MYLIP: variants seen among roughly 807,000 people sequenced by gnomAD.
MYLIP encodes myosin regulatory light chain interacting protein, also known as E3 ubiquitin-protein ligase MYLIP.
In MYLIP, 26 loss-of-function variants were observed where a neutral mutation model predicts 45.8. The observed-to-expected ratio is 0.57, with a 90% CI of 0.42 to 0.79. The LOEUF (loss-of-function observed/expected upper bound fraction) is 0.79, where lower values mean the gene tolerates loss of function less well. Among genes scored for constraint, MYLIP ranks in the 30% least tolerant of loss-of-function variants. MYLIP has a pLI of 0.00. For synonymous variants in MYLIP, 213 were observed against 218.1 expected (o/e 0.98, Z 0.21); for missense variants, 494 against 555.6 (o/e 0.89, Z 1.11).
chr6:16,161,345 C>G, the MYLIP span: 1 of 267,748 alleles, frequency 3.7e-6, no homozygotes, highest in Non-Finnish European at 7.5e-6. Context: ...TTATCCTGAT[C>G]GGCTGTGCCT....
At chr6:16,148,443 CT>C (rs755832345), downstream of MYLIP, among the ~76,000 whole-genome samples, 3,423 of 106,602 alleles carry the variant, frequency 0.032, 42 homozygotes, top group African/African-American at 0.046. Flanking sequence ...AGAGTATAGT[CT>C]TTTTTTTTTT....
At chr6:16,149,834 A>G (rs1264473467), downstream of MYLIP, among the ~76,000 whole-genome samples, 1 of 152,244 alleles carries the variant, frequency 6.6e-6, no homozygotes, top group African/African-American at 2.4e-5. Context: ...GACAAGTCGT[A>G]TGAAAATCCT....
intron 1 of MYLIP, 41 bp from the exon 2 acceptor site, chr6:16,130,516 G>C: frequency 6.3e-7 from 1 of 1,595,492 alleles, no homozygotes; most frequent in South Asian, 1.1e-5. Flanking sequence ...GCTTTGATAC[G>C]TACCATTTGC....
intron 3 of MYLIP, among the ~76,000 whole-genome samples, chr6:16,142,195 T>A (rs2113553302): frequency 6.6e-6 from 1 of 152,372 alleles, no homozygotes; most frequent in South Asian, 2.1e-4. Flanking sequence ...TACATACACA[T>A]AATTTGTGAA....
intron 2 of MYLIP, among the ~76,000 whole-genome samples, chr6:16,134,071 C>G (rs1459933253): frequency 6.6e-6 from 1 of 152,076 alleles, no homozygotes; most frequent in African/African-American, 2.4e-5. Context: ...ACTAAACTCC[C>G]CCAAGACATC....
chr6:16,161,562 C>T, the MYLIP span, among the ~76,000 whole-genome samples: 1 of 152,148 alleles, frequency 6.6e-6, no homozygotes, highest in Non-Finnish European at 1.5e-5. Flanking sequence ...AAATATCAAG[C>T]CGTTTTTAAT....
intron 2 of MYLIP, among the ~76,000 whole-genome samples, chr6:16,139,633 C>G (rs1759625363): frequency 1.3e-5 from 2 of 152,162 alleles, no homozygotes; most frequent in Non-Finnish European, 2.9e-5. Flanking sequence ...GTGTAGTAAA[C>G]CACGGCTTGC....
chr6:16,137,744 T>C (rs1759584588), intron 2 of MYLIP, among the ~76,000 whole-genome samples: 1 of 152,188 alleles, frequency 6.6e-6, no homozygotes, highest in Admixed American at 6.5e-5. Context: ...AGATAAATGA[T>C]CTAACTTCAT....
downstream of MYLIP, among the ~76,000 whole-genome samples, chr6:16,151,296 G>A (rs1375849178): frequency 6.6e-6 from 1 of 151,824 alleles, no homozygotes; most frequent in African/African-American, 2.4e-5. Context: ...GGCAGAGCTT[G>A]CAGTGAGCCG....
At position 16,142,861 on chromosome 6, in the gene MYLIP, A is replaced by G. The variant is rs11969716; in HGVS notation, c.465-159A>G. Among the ~76,000 whole-genome samples, 380 of 152,332 alleles carry G rather than the reference A, an allele frequency of 2.5e-3. 1 individual carries two copies. Among genetic ancestry groups the G allele is most frequent in the African/African-American group, 8.6e-3 (359 of 41,568 alleles). ...GATCCCAGTGTCTTAGACGTTTTTT[A>G]TAGTAAGTTCGCTAAATACATGAAA... On this transcript the variant is annotated intron_variant, in intron 3 of 6. Coordinates refer to ENST00000356840, the MANE Select transcript of MYLIP (RefSeq NM_013262.4).
At chr6:16,135,370 G>A (rs1306446666) in intron 2 of MYLIP, among the ~76,000 whole-genome samples, 3 of 152,166 alleles carry the variant, frequency 2.0e-5, no homozygotes, top group African/African-American at 7.2e-5. Flanking sequence ...TCTGGTGTGG[G>A]TTGTGATCAC....
In MYLIP at chr6:16,143,708, T is replaced by C. The variant is rs140483917; in HGVS notation, c.672T>C (p.Tyr224=). ...DDFSPINRIA[Y]PVVQMATQSG... is the part of the protein sequence containing the mutation. ...TCTTCCTGTCTCTTAGGATAGCTTA[T>C]CCTGTGGTGCAGATGGCCACCCAGT... Residue 224 remains tyrosine, a synonymous_variant, in exon 5 of 7, where the codon TAT becomes TAC. Transcript: ENST00000356840. The C allele has an allele frequency of 3.7e-6, 6 of 1,614,004 alleles. No homozygotes were observed. The highest frequency in any genetic ancestry group is 5.1e-6 in the Non-Finnish European group (6 of 1,180,008).
At chr6:16,155,177 G>A in the MYLIP span, among the ~76,000 whole-genome samples, 463 of 152,292 alleles carry the variant, frequency 3.0e-3, 6 homozygotes, top group African/African-American at 0.01. Flanking sequence ...ACATCCTTCA[G>A]CTGTGCAGCG....
chr6:16,146,796 C>T lies in MYLIP; in HGVS notation c.*45C>T, dbSNP rs1461758801. On this transcript the variant is annotated 3_prime_UTR_variant, in exon 7 of 7. Transcript: ENST00000356840. ...ACTTGGCATGTTTCCATGAACTGCA[C>T]TATTATAAACTATTAAAATGATAGA... The T allele has an allele frequency of 2.2e-6, 3 of 1,378,330 alleles. No individual in the cohort carries two copies. 85.4% of individuals were successfully genotyped at this position (1,378,330 alleles called of 1,614,324 possible). A position where few individuals can be genotyped will look rare whatever the true frequency, so the allele number is the denominator to read the frequency against.
At chr6:16,148,822 G>A (rs1436646456), downstream of MYLIP, among the ~76,000 whole-genome samples, 3 of 152,154 alleles carry the variant, frequency 2.0e-5, no homozygotes, top group Non-Finnish European at 4.4e-5. Flanking sequence ...GCTTGCCAGT[G>A]TGTGCTCATC....
chr6:16,152,192 T>A (rs914846735), downstream of MYLIP, among the ~76,000 whole-genome samples: 1 of 152,240 alleles, frequency 6.6e-6, no homozygotes, highest in East Asian at 1.9e-4. Context: ...GAGACATGAC[T>A]GCTGGAATAA....
At chr6:16,130,780 T>A (rs1365710098) in intron 2 of MYLIP, 33 bp downstream of exon 2, 3 of 1,596,490 alleles carry the variant, frequency 1.9e-6, no homozygotes, top group Non-Finnish European at 2.6e-6. Flanking sequence ...AATGTCAAAT[T>A]GACCTTTGGT....
At chr6:16,132,013 G>A (rs1734623281) in intron 2 of MYLIP, among the ~76,000 whole-genome samples, 1 of 152,154 alleles carries the variant, frequency 6.6e-6, no homozygotes, top group Non-Finnish European at 1.5e-5. Flanking sequence ...GCCGATTTGT[G>A]AAAGCTTTGC....
chr6:16,146,610 C>A (rs906936360), intron 6 of MYLIP, 52 bp from the exon 7 acceptor site: 4 of 1,437,722 alleles, frequency 2.8e-6, no homozygotes, highest in Admixed American at 1.8e-5. Context: ...GAGACACAGG[C>A]CCCCCACCGA....
Sources: gnomAD v4.1 joint callset for allele counts (sites outside exome capture counted in the v4.1 genomes callset) on GRCh38, gnomAD v4.1.1 for gene constraint, MANE v1.5 for transcripts, NCBI Gene and HGNC (gene_info 2026-07-23, HGNC 2026-07-21) for gene names.